ARHGEF18: variants seen among roughly 807,000 people sequenced by gnomAD.
ARHGEF18 encodes Rho/Rac guanine nucleotide exchange factor 18.
ARHGEF18 carries 93 observed loss-of-function variants against 155.7 expected under a neutral mutation model. That is an observed-to-expected ratio of 0.60 (90% CI 0.50 to 0.71). The LOEUF (loss-of-function observed/expected upper bound fraction) is 0.71. ARHGEF18 is among the 30% of genes least tolerant of loss of function. The pLI is 0.00. For synonymous variants in ARHGEF18, 742 were observed against 753.1 expected (o/e 0.99, Z 0.24); for missense variants, 1,593 against 1,816.1 (o/e 0.88, Z 2.23).
At chr19:7,435,706 G>A (rs75017547) in intron 10 of ARHGEF18, among the ~76,000 whole-genome samples, 2,072 of 152,242 alleles carry the variant, frequency 0.014, 19 homozygotes, top group Non-Finnish European at 0.018. Flanking sequence ...TCACAAATCC[G>A]GAATAAAAGG....
chr19:7,407,870 G>A (rs1246188711), intron 10 of ARHGEF18, among the ~76,000 whole-genome samples: 6 of 150,678 alleles, frequency 4.0e-5, no homozygotes, highest in Admixed American at 2.7e-4. Flanking sequence ...GCTGAGGCAG[G>A]AGAATGGCGT....
chr19:7,443,589 T>A (rs550415451), intron 13 of ARHGEF18, among the ~76,000 whole-genome samples: 1 of 152,292 alleles, frequency 6.6e-6, no homozygotes, highest in Admixed American at 6.5e-5. Flanking sequence ...TACCTCCTGA[T>A]ACTATCACCT....
chr19:7,425,589 G>C (rs777349129), intron 10 of ARHGEF18, among the ~76,000 whole-genome samples: 24 of 151,956 alleles, frequency 1.6e-4, no homozygotes, highest in Non-Finnish European at 2.6e-4. Context: ...GACTGAGGCA[G>C]GAGAATTGCT....
downstream of ARHGEF18, chr19:7,473,155 G>C (rs1278465255): frequency 1.1e-5 from 5 of 456,240 alleles, no homozygotes; most frequent in Admixed American, 1.2e-4. Flanking sequence ...CCATGAGTAT[G>C]AAATCATCAT....
the ARHGEF18 span, among the ~76,000 whole-genome samples, chr19:7,478,552 C>T: frequency 6.6e-6 from 1 of 152,248 alleles, no homozygotes; most frequent in Non-Finnish European, 1.5e-5. Context: ...CTCCCGGGGA[C>T]TCATCTCTAA....
Position 7,462,698 on chromosome 19 carries a change from C to G in ARHGEF18, c.2635+364C>G, listed in dbSNP as rs2145888093. Among the ~76,000 whole-genome samples, 2 of 152,266 alleles carry G rather than the reference C, an allele frequency of 1.3e-5. No individual in the cohort carries two copies. Among genetic ancestry groups the G allele is most frequent in the East Asian group, 1.9e-4 (1 of 5,178 alleles). The stretch of plus-strand genomic sequence containing the variant: ...TCCTCTTCTTCCTGGGAGGTGGGTC[C>G]TGGTGATATCCCCAGAAAAACACAC... On this transcript the variant is annotated intron_variant, in intron 21 of 28. Coordinates refer to ENST00000668164, the MANE Select transcript of ARHGEF18 (RefSeq NM_001367823.1). The surrounding 1 kb of genome is among the most constrained non-coding windows in gnomAD (Gnocchi z 4.4).
chr19:7,356,865 A>G (rs541456124), intron 1 of ARHGEF18, among the ~76,000 whole-genome samples: 7 of 152,264 alleles, frequency 4.6e-5, no homozygotes, highest in South Asian at 4.1e-4. Flanking sequence ...AGAGGGGGCC[A>G]ATGTGAAGAT....
At chr19:7,467,043 A>G in intron 24 of ARHGEF18, 28 bp from the exon 25 acceptor site, 1 of 1,610,734 alleles carries the variant, frequency 6.2e-7, no homozygotes, top group Non-Finnish European at 8.5e-7. Context: ...CCCGATAACT[A>G]GCATCAATCT....
At chr19:7,461,474 C>T (rs906602581) in intron 20 of ARHGEF18, among the ~76,000 whole-genome samples, 14 of 152,008 alleles carry the variant, frequency 9.2e-5, no homozygotes, top group Non-Finnish European at 1.6e-4. Context: ...CGCTTGAACC[C>T]GGGAGGTGGA....
Position 7,463,830 on chromosome 19 carries a change from A to G in ARHGEF18, c.2648A>G (p.Gln883Arg). ...CTTCCTTCCACAGTCGAGGGCATCC[A>G]GAGCCTGATCTGCAGGCAGCTGGGC... ...KSAMSEIEGIQSLICRQLGSA... is the reference protein window; with the variant it reads ...KSAMSEIEGIRSLICRQLGSA... The change falls in exon 22 of 29, where the codon CAG becomes CGG. Residue 883 changes from glutamine (Q) to arginine (R), a missense_variant. Coordinates refer to ENST00000668164, the MANE Select transcript of ARHGEF18 (RefSeq NM_001367823.1). This position sits in a 1 kb window ranked among gnomAD's most constrained non-coding sequence, Gnocchi z 5.2. 5 of 1,607,624 alleles carry G rather than the reference A, an allele frequency of 3.1e-6. No homozygotes were observed. Among genetic ancestry groups the G allele is most frequent in the Non-Finnish European group, 3.4e-6 (4 of 1,177,580 alleles).
At chr19:7,410,803 C>G (rs11880879) in intron 10 of ARHGEF18, among the ~76,000 whole-genome samples, 1 of 128,864 alleles carries the variant, frequency 7.8e-6, no homozygotes, top group Non-Finnish European at 1.6e-5. Flanking sequence ...GCGTGAGACT[C>G]CATCTCAAAA....
At chr19:7,368,788 T>C (rs549922672) in intron 2 of ARHGEF18, among the ~76,000 whole-genome samples, 12 of 151,818 alleles carry the variant, frequency 7.9e-5, no homozygotes, top group African/African-American at 1.4e-4. Context: ...ATGGAGCCAT[T>C]TGGGGGGTAA....
intron 10 of ARHGEF18, among the ~76,000 whole-genome samples, chr19:7,419,851 A>G (rs1973245159): frequency 6.6e-6 from 1 of 151,608 alleles, no homozygotes; most frequent in African/African-American, 2.4e-5. Context: ...ACCCTCCACC[A>G]TAGAAAGCTG....
intron 10 of ARHGEF18, among the ~76,000 whole-genome samples, chr19:7,387,121 T>C (rs1204275580): frequency 1.3e-5 from 2 of 152,106 alleles, no homozygotes; most frequent in African/African-American, 4.8e-5. Flanking sequence ...ACTGGCAAAC[T>C]GCAGTCCATC....
rs577535583 is a variant in ARHGEF18, at chr19:7,462,748, C to T, written c.2635+414C>T. Among the ~76,000 whole-genome samples the T allele has an allele frequency of 1.3e-5, 2 of 152,202 alleles. No homozygotes were observed. Among genetic ancestry groups the T allele is most frequent in the East Asian group, 1.9e-4 (1 of 5,170 alleles). Reference sequence around the variant, plus strand: ...CGCACACTCCCTCAGTGGGTCCCCACGCACAGCTCTAACACAGCCGCCAGG... The same window carrying T: ...CGCACACTCCCTCAGTGGGTCCCCATGCACAGCTCTAACACAGCCGCCAGG... On this transcript the variant is annotated intron_variant, in intron 21 of 28. Coordinates refer to ENST00000668164, the MANE Select transcript of ARHGEF18 (RefSeq NM_001367823.1). This position sits in a 1 kb window ranked among gnomAD's most constrained non-coding sequence, Gnocchi z 4.4.
chr19:7,367,842 TTATA>T (rs377760107), intron 2 of ARHGEF18, among the ~76,000 whole-genome samples: 3 of 12,990 alleles, frequency 2.3e-4, no homozygotes, highest in Non-Finnish European at 5.1e-4. Flanking sequence ...TATATATATT[TTATA>T]TATATATATA....
chr19:7,432,176 T>G (rs188885006), intron 10 of ARHGEF18, among the ~76,000 whole-genome samples: 4 of 152,212 alleles, frequency 2.6e-5, no homozygotes, highest in African/African-American at 7.2e-5. Context: ...TGAAGTCATC[T>G]TCTCATCGAT....
chr19:7,447,178 A>G lies in ARHGEF18; in HGVS notation c.1737+10A>G. 1 of 1,407,264 alleles carries G rather than the reference A, an allele frequency of 7.1e-7. No homozygotes were observed. Among genetic ancestry groups the G allele is most frequent in the Non-Finnish European group, 9.7e-7 (1 of 1,032,884 alleles). 87.2% of individuals were successfully genotyped at this position (1,407,264 alleles called of 1,614,324 possible). A position where few individuals can be genotyped will look rare whatever the true frequency, so the allele number is the denominator to read the frequency against. ...TCAAAACTTGATCAAGGTAAAAACA[A>G]TTTTTTTTTTTAATCAAAAACTTAT... On this transcript the variant is annotated intron_variant, in intron 15 of 28. Transcript: ENST00000668164.
Position 7,467,227 on chromosome 19 carries a change from A to C in ARHGEF18, c.3023A>C (p.His1008Pro). 1 of 1,587,052 alleles carries C rather than the reference A, an allele frequency of 6.3e-7. No individual in the cohort carries two copies. Among genetic ancestry groups the C allele is most frequent in the Non-Finnish European group, 8.6e-7 (1 of 1,164,348 alleles). ...LLLNLQAVIA[H>P]QDSYVETQRA... is the part of the protein sequence containing the mutation. ...GGCCCTCCGCAGGCGGTAATCGCCC[A>C]CCAGGACAGCTATGTGGAGACGCAG... Residue 1008 changes from histidine (H) to proline (P), a missense_variant, in exon 26 of 29, where the codon CAC (histidine) becomes CCC (proline). Coordinates refer to ENST00000668164, the MANE Select transcript of ARHGEF18 (RefSeq NM_001367823.1).
Sources: gnomAD v4.1 joint callset for allele counts (sites outside exome capture counted in the v4.1 genomes callset) on GRCh38, gnomAD v4.1.1 for gene constraint, Gnocchi (gnomAD v3.1) non-coding constraint, MANE v1.5 for transcripts, NCBI Gene and HGNC (gene_info 2026-07-23, HGNC 2026-07-21) for gene names.